The following IQSEC1 variants were observed in gnomAD, a reference collection of about 807,000 sequenced individuals.
IQSEC1 encodes IQ motif and SEC7 domain-containing protein 1.
Under a neutral mutation model 91.0 loss-of-function variants are expected in IQSEC1, and 31 were observed. The ratio of observed to expected loss-of-function variants is 0.34; its 90% CI spans 0.26 to 0.46. The LOEUF (loss-of-function observed/expected upper bound fraction) is 0.46, where lower values mean the gene tolerates loss of function less well. Among genes scored for constraint, IQSEC1 ranks in the 20% least tolerant of loss-of-function variants. The pLI, the probability that IQSEC1 is intolerant of heterozygous loss-of-function variation, is 1.00. For synonymous variants in IQSEC1, 699 were observed against 662.6 expected, an observed-to-expected ratio of 1.05 and a Z score of -0.84; for missense variants, 1,388 against 1,575.6, an observed-to-expected ratio of 0.88 and a Z score of 2.02.
intron 1 of IQSEC1, among the ~76,000 whole-genome samples, chr3:13,053,568 G>C (rs532618060): frequency 6.6e-6 from 1 of 152,190 alleles, no homozygotes; most frequent in African/African-American, 2.4e-5. Context: ...GGGGAGAAGG[G>C]AGACTCTGGG....
In IQSEC1 at chr3:12,936,014, G is replaced by C; in HGVS notation, c.1002C>G (p.His334Gln). 1.9e-6 allele frequency: 3 copies of C among 1,601,070 alleles called. No individual in the cohort carries two copies. The highest frequency in any genetic ancestry group is 2.5e-6 in the Non-Finnish European group (3 of 1,179,778). The change falls in exon 3 of 14, where the codon CAC becomes CAG. Residue 334 changes from histidine (H) to glutamine (Q), a missense_variant. His to Gln is a conservative substitution (Grantham distance 24, BLOSUM62 0). Transcript: ENST00000613206. ...TGTCCGTGTCAGCCTTGTCCTCTTT[G>C]TGGGCCAGGGCCCAGTAGTCTGGGG... ...GAAPDYWALA[H>Q]KEDKADTDTS...
intron 2 of IQSEC1, among the ~76,000 whole-genome samples, chr3:13,104,339 G>C (rs919526083): frequency 6.6e-6 from 1 of 152,156 alleles, no homozygotes; most frequent in Non-Finnish European, 1.5e-5. Flanking sequence ...TGACCCTGGG[G>C]TGACAAGCCT....
At chr3:13,276,952 A>T (rs892795597) in intron 1 of IQSEC1, among the ~76,000 whole-genome samples, 1 of 151,974 alleles carries the variant, frequency 6.6e-6, no homozygotes, top group African/African-American at 2.4e-5. Context: ...CTCCATTTCA[A>T]TTAGGTCAAT....
At chr3:12,913,342 C>T in intron 9 of IQSEC1, 86 bp downstream of exon 9, 11 of 1,424,088 alleles carry the variant, frequency 7.7e-6, no homozygotes, top group Non-Finnish European at 1.0e-5. Flanking sequence ...CATGCATGCA[C>T]ATCTTCCCCA....
rs145808156 is a variant in IQSEC1, at chr3:13,055,475, G to A, written c.23+17517C>T. On this transcript the variant is annotated intron_variant, in intron 1 of 13. Coordinates refer to ENST00000613206, the MANE Select transcript of IQSEC1 (RefSeq NM_001134382.3). ...AGAGCTTAGCACTAATTCATTTCAC[G>A]CTCAACCACCCTGTGACAGGAGATA... Among the ~76,000 whole-genome samples the A allele has an allele frequency of 4.0e-3, 609 of 152,256 alleles. 3 individuals are homozygous for A. Among genetic ancestry groups the A allele is most frequent in the Admixed American group, 7.8e-3 (119 of 15,294 alleles).
chr3:12,944,804 C>T (rs1576004052), intron 1 of IQSEC1, among the ~76,000 whole-genome samples: 1 of 152,208 alleles, frequency 6.6e-6, no homozygotes, highest in African/African-American at 2.4e-5. Context: ...AAGCAGGAAG[C>T]CCCTTGGTGG....
rs115603178 is a variant in IQSEC1, at chr3:13,254,260, T to G, written c.272+28451A>C. On this transcript the variant is annotated intron_variant, in intron 1 of 15. Coordinates refer to the IQSEC1 transcript ENST00000648114. ...AAACATGAACCGAGCCCGCTCCCCA[T>G]GGCTAGGCCACACCCTGGGGACGCA... Among the ~76,000 whole-genome samples the G allele has an allele frequency of 8.5e-3, 1,292 of 152,348 alleles. 18 individuals are homozygous for G. The highest frequency in any genetic ancestry group is 0.03 in the African/African-American group (1,228 of 41,582).
In IQSEC1 at chr3:13,196,749, C is replaced by T. The variant is rs1041938428; in HGVS notation, c.273-32616G>A. Reference sequence around the variant, plus strand: ...GTGCGTGTGTATGTACATGTGTGTGCGTGTGTGTGTGTGTGTGTGTGTGTG... The same window carrying T: ...GTGCGTGTGTATGTACATGTGTGTGTGTGTGTGTGTGTGTGTGTGTGTGTG... On this transcript the variant is annotated intron_variant, in intron 1 of 15. Transcript: ENST00000648114. 4.2e-4 allele frequency among the ~76,000 whole-genome samples: 63 copies of T among 148,496 alleles called. No individual in the cohort carries two copies. The East Asian group carries it at 7.0e-3, about 17-fold the overall frequency.
intron 1 of IQSEC1, among the ~76,000 whole-genome samples, chr3:13,263,554 T>G (rs1181668815): frequency 6.6e-6 from 1 of 152,086 alleles, no homozygotes; most frequent in Non-Finnish European, 1.5e-5. Flanking sequence ...GCGATTCTCT[T>G]GCCTCATCCT....
In IQSEC1 at chr3:12,900,859, G is replaced by A. The variant is rs765727699; in HGVS notation, c.*124C>T. 1 of 1,529,890 alleles carries A rather than the reference G, an allele frequency of 6.5e-7. No individual in the cohort carries two copies. Among genetic ancestry groups the A allele is most frequent in the East Asian group, 2.4e-5 (1 of 40,836 alleles). The allele number at this position is 1,529,890 out of a possible 1,614,324, so 94.8% of individuals were successfully genotyped here. ...GCTCCTGGGGCTCCGGTTGGGCCGT[G>A]AGGGGCAGAGGGGAGAGATGGCAAC... On this transcript the variant is annotated 3_prime_UTR_variant, in exon 14 of 14. Transcript: ENST00000613206.
chr3:13,068,607 C>T (rs886850660), intron 1 of IQSEC1, among the ~76,000 whole-genome samples: 1 of 152,174 alleles, frequency 6.6e-6, no homozygotes, highest in Non-Finnish European at 1.5e-5. Context: ...CCAGGGCCTC[C>T]ATGAACAGCC....
In IQSEC1 at chr3:12,924,349, A is replaced by AGTGGGGTTCGCAT. The variant is rs1456624772; in HGVS notation, c.1730+219_1730+231dup. ...CATGCCAGAGGGTGGGCGGACAGGC[A>AGTGGGGTTCGCAT]GTGGGGTTCGCATGTGGGATGGTGC... On this transcript the variant is annotated intron_variant, in intron 4 of 13. Coordinates refer to ENST00000613206, the MANE Select transcript of IQSEC1 (RefSeq NM_001134382.3). This position sits in a 1 kb window ranked among gnomAD's most constrained non-coding sequence, Gnocchi z 6.3. 1.3e-5 allele frequency among the ~76,000 whole-genome samples: 2 copies of AGTGGGGTTCGCAT among 152,134 alleles called. No individual in the cohort carries two copies. Among genetic ancestry groups the AGTGGGGTTCGCAT allele is most frequent in the Non-Finnish European group, 2.9e-5 (2 of 68,002 alleles).
chr3:12,905,854 C>T (rs1694918316), intron 12 of IQSEC1, among the ~76,000 whole-genome samples: 1 of 152,210 alleles, frequency 6.6e-6, no homozygotes, highest in African/African-American at 2.4e-5. Flanking sequence ...GGTCAGTGTC[C>T]ATCACCACTT....
chr3:12,922,838 C>T lies in IQSEC1; in HGVS notation c.1731-596G>A, dbSNP rs894526176. Among the ~76,000 whole-genome samples the T allele has an allele frequency of 1.3e-5, 2 of 152,086 alleles. No homozygotes were observed. The highest frequency in any genetic ancestry group is 4.8e-5 in the African/African-American group (2 of 41,400). On this transcript the variant is annotated intron_variant, in intron 4 of 13. Transcript: ENST00000613206. This position sits in a 1 kb window ranked among gnomAD's most constrained non-coding sequence, Gnocchi z 5.1. ...TCCACATTCTTCCCATGGCCCTGCC[C>T]CGGCACACCCTTCCAGTCCCTCCTA...
At chr3:13,036,966 G>T in intron 1 of IQSEC1, among the ~76,000 whole-genome samples, 1 of 152,094 alleles carries the variant, frequency 6.6e-6, no homozygotes, top group East Asian at 1.9e-4. Context: ...TACCACCCTT[G>T]GAAGCCTCTT....
At chr3:13,136,608 G>A (rs1706715031) in intron 2 of IQSEC1, among the ~76,000 whole-genome samples, 1 of 152,186 alleles carries the variant, frequency 6.6e-6, no homozygotes, top group South Asian at 2.1e-4. Context: ...AGATTACAAA[G>A]GCTAATCGGG....
intron 2 of IQSEC1, among the ~76,000 whole-genome samples, chr3:13,151,736 C>T (rs1165260152): frequency 2.0e-5 from 3 of 152,138 alleles, no homozygotes; most frequent in Non-Finnish European, 2.9e-5. Context: ...GAGGCCGAGG[C>T]GGGAGGATCA....
intron 1 of IQSEC1, among the ~76,000 whole-genome samples, chr3:13,231,771 T>C (rs1291506097): frequency 2.6e-5 from 4 of 152,264 alleles, no homozygotes; most frequent in African/African-American, 9.6e-5. Flanking sequence ...AAGCACTGAC[T>C]TTCCCAAGAG....
intron 2 of IQSEC1, among the ~76,000 whole-genome samples, chr3:13,124,290 C>T (rs1019733347): frequency 6.6e-6 from 1 of 151,828 alleles, no homozygotes; most frequent in Non-Finnish European, 1.5e-5. Flanking sequence ...CTAGGGCTCA[C>T]GAGGGCCCCC....
Sources: allele counts gnomAD v4.1 joint callset (sites outside exome capture counted in the v4.1 genomes callset), GRCh38; gene constraint gnomAD v4.1.1; non-coding constraint Gnocchi (gnomAD v3.1); transcripts MANE v1.5; gene names NCBI Gene and HGNC (gene_info 2026-07-23, HGNC 2026-07-21).